The following GRIN2A variants were observed in gnomAD, a reference collection of about 807,000 sequenced individuals.
The protein encoded by GRIN2A is glutamate receptor ionotropic, NMDA 2A.
A neutral mutation model predicts 113.4 loss-of-function variants in GRIN2A; 22 were observed. That is an observed-to-expected ratio of 0.19 (90% CI 0.14 to 0.28). GRIN2A has a LOEUF of 0.28. Ranked by LOEUF, GRIN2A falls within the 10% of genes least tolerant of loss-of-function variation. The probability of loss-of-function intolerance (pLI) is 1.00; values close to 1 mark genes in which losing one functional copy is unlikely to be tolerated. For synonymous variants in GRIN2A, 827 were observed against 738.4 expected (o/e 1.12, Z -1.94); for missense variants, 1,502 against 1,887.0 (o/e 0.80, Z 3.78).
chr16:10,007,099 T>C (rs1323849117), intron 2 of GRIN2A, among the ~76,000 whole-genome samples: 1 of 152,174 alleles, frequency 6.6e-6, no homozygotes, highest in Non-Finnish European at 1.5e-5. Context: ...AACATGGGAG[T>C]GCAGATATCT....
At chr16:9,995,019 G>A (rs1332613582) in intron 2 of GRIN2A, among the ~76,000 whole-genome samples, 2 of 152,212 alleles carry the variant, frequency 1.3e-5, no homozygotes, top group African/African-American at 4.8e-5. Flanking sequence ...GAAAAGTCCA[G>A]GGACGAGCTG....
intron 2 of GRIN2A, among the ~76,000 whole-genome samples, chr16:10,030,197 A>G (rs1418190489): frequency 6.6e-6 from 1 of 150,828 alleles, no homozygotes. Context: ...TTAAAAAAAA[A>G]TCATTAAATG....
intron 2 of GRIN2A, among the ~76,000 whole-genome samples, chr16:9,949,393 G>C (rs899090861): frequency 6.6e-6 from 1 of 152,094 alleles, no homozygotes; most frequent in African/African-American, 2.4e-5. Context: ...TGGATGGATG[G>C]ATGGTCAAAT....
chr16:9,954,946 G>T (rs2045271909), intron 2 of GRIN2A, among the ~76,000 whole-genome samples: 1 of 152,196 alleles, frequency 6.6e-6, no homozygotes, highest in Non-Finnish European at 1.5e-5. Flanking sequence ...TTACTCCACA[G>T]TTATTATGCA....
At chr16:9,794,517 C>G (rs965002260) in intron 11 of GRIN2A, 1 of 152,180 alleles carries the variant, frequency 6.6e-6, no homozygotes, top group Non-Finnish European at 1.5e-5. Flanking sequence ...TGTATTTACT[C>G]CTAGAGAGAC....
intron 2 of GRIN2A, among the ~76,000 whole-genome samples, chr16:10,006,111 C>A (rs969217213): frequency 1.3e-5 from 2 of 152,164 alleles, no homozygotes; most frequent in Non-Finnish European, 2.9e-5. Flanking sequence ...ATGTGATTAG[C>A]CTCAGTGGTC....
intron 10 of GRIN2A, among the ~76,000 whole-genome samples, chr16:9,809,839 G>A (rs560554410): frequency 1.3e-5 from 2 of 152,312 alleles, no homozygotes; most frequent in South Asian, 2.1e-4. Context: ...AGGCTGAGGA[G>A]GGTGGATCCC....
intron 2 of GRIN2A, chr16:10,111,685 A>T (rs2048617350): frequency 4.5e-6 from 7 of 1,569,132 alleles, no homozygotes; most frequent in South Asian, 4.4e-5. Context: ...GTTCCAGGCC[A>T]ACGAGGTGCA....
At chr16:10,011,189 A>G (rs2046497757) in intron 2 of GRIN2A, among the ~76,000 whole-genome samples, 1 of 152,250 alleles carries the variant, frequency 6.6e-6, no homozygotes, top group African/African-American at 2.4e-5. Context: ...GGCTCTTATC[A>G]GTAATTACAG....
At chr16:10,136,543 T>A (rs777605676) in intron 2 of GRIN2A, among the ~76,000 whole-genome samples, 42 of 151,590 alleles carry the variant, frequency 2.8e-4, no homozygotes, top group Non-Finnish European at 4.9e-4. Context: ...TTAAAGATAC[T>A]GATTAATAAT....
intron 2 of GRIN2A, among the ~76,000 whole-genome samples, chr16:10,034,666 T>C (rs13338243): frequency 0.55 from 83,946 of 151,502 alleles, 24,116 homozygotes; most frequent in East Asian, 0.91. Flanking sequence ...TCTTTAATAG[T>C]CCCAGGTGGA....
chr16:9,942,410 G>C (rs1384550536), intron 2 of GRIN2A, among the ~76,000 whole-genome samples: 1 of 152,158 alleles, frequency 6.6e-6, no homozygotes, highest in Non-Finnish European at 1.5e-5. Flanking sequence ...TTGAAAAAGT[G>C]CTTAATCTTT....
chr16:10,009,574 C>T (rs759731177), intron 2 of GRIN2A, among the ~76,000 whole-genome samples: 2 of 152,100 alleles, frequency 1.3e-5, no homozygotes, highest in Non-Finnish European at 2.9e-5. Context: ...ACAGGGAGAC[C>T]TGGACAGGAT....
At chr16:9,858,587 TA>T (rs2043008377) in intron 4 of GRIN2A, among the ~76,000 whole-genome samples, 1 of 152,184 alleles carries the variant, frequency 6.6e-6, no homozygotes, top group Non-Finnish European at 1.5e-5. Context: ...GTGATTTTGC[TA>T]AAAGAAATAT....
At chr16:9,991,109 C>G (rs909770741) in intron 2 of GRIN2A, among the ~76,000 whole-genome samples, 1 of 152,056 alleles carries the variant, frequency 6.6e-6, no homozygotes, top group Non-Finnish European at 1.5e-5. Context: ...TTCTAAGATG[C>G]CGATGTCCTC....
At position 10,023,406 on chromosome 16, in the gene GRIN2A, G is replaced by A. The variant is rs900253637; in HGVS notation, c.415-84855C>T. Among the ~76,000 whole-genome samples the A allele has an allele frequency of 3.9e-5, 6 of 152,262 alleles. No individual in the cohort carries two copies. In the East Asian group the frequency reaches 7.7e-4, roughly 20 times the overall value. ...GGTGTGGTTTTTACAATGACCCTTC[G>A]AAGTGGGTATTATAATTACAACTTT... On this transcript the variant is annotated intron_variant, in intron 2 of 12. Coordinates refer to ENST00000330684, the MANE Select transcript of GRIN2A (RefSeq NM_001134407.3).
chr16:10,032,772 A>G (rs1165144671), intron 2 of GRIN2A, among the ~76,000 whole-genome samples: 1 of 152,194 alleles, frequency 6.6e-6, no homozygotes, highest in Non-Finnish European at 1.5e-5. Flanking sequence ...CAAATGGGGA[A>G]ACTGAGGCCC....
At chr16:9,958,429 T>C (rs1336819466) in intron 2 of GRIN2A, among the ~76,000 whole-genome samples, 4 of 152,028 alleles carry the variant, frequency 2.6e-5, no homozygotes, top group Non-Finnish European at 4.4e-5. Context: ...CACAGACACA[T>C]GCACACACAC....
chr16:9,891,574 C>T (rs936549019), intron 3 of GRIN2A, among the ~76,000 whole-genome samples: 4 of 152,298 alleles, frequency 2.6e-5, no homozygotes, highest in Non-Finnish European at 4.4e-5. Flanking sequence ...AATTCCCACC[C>T]TCAAGAAGTT....
Sources: allele counts gnomAD v4.1 joint callset (sites outside exome capture counted in the v4.1 genomes callset), GRCh38; gene constraint gnomAD v4.1.1; transcripts MANE v1.5; gene names NCBI Gene and HGNC (gene_info 2026-07-23, HGNC 2026-07-21).